Variants in EPHA3 observed in about 807,000 individuals in gnomAD.
EPHA3 encodes the protein EPH receptor A3, also known as ephrin type-A receptor 3.
A neutral mutation model predicts 107.1 loss-of-function variants in EPHA3; 42 were observed. The ratio of observed to expected loss-of-function variants is 0.39; its 90% CI spans 0.31 to 0.51. The LOEUF (loss-of-function observed/expected upper bound fraction) is 0.51, where lower values mean the gene tolerates loss of function less well. Ranked by LOEUF, EPHA3 falls within the 20% of genes least tolerant of loss-of-function variation. EPHA3 has a pLI of 0.78. For synonymous variants in EPHA3, 461 were observed against 424.8 expected, an observed-to-expected ratio of 1.09 and a Z score of -1.05; for missense variants, 1,183 against 1,211.2, an observed-to-expected ratio of 0.98 and a Z score of 0.35.
Position 89,301,367 on chromosome 3 carries a change from T to C in EPHA3, c.815-39549T>C, listed in dbSNP as rs549242604. 1.2e-3 allele frequency among the ~76,000 whole-genome samples: 190 copies of C among 152,180 alleles called. 1 individual carries two copies. The highest frequency in any genetic ancestry group is 4.3e-3 in the African/African-American group (178 of 41,562). On this transcript the variant is annotated intron_variant, in intron 3 of 16. Coordinates refer to ENST00000336596, the MANE Select transcript of EPHA3 (RefSeq NM_005233.6). ...AGGAAAAGCTGATAATGTCACTTTT[T>C]AGTAATAAAATATATGTCTACTCCT...
chr3:89,411,943 G>A lies in EPHA3; in HGVS notation c.1763-1198G>A, dbSNP rs541022844. Among the ~76,000 whole-genome samples, 49 of 151,988 alleles carry A rather than the reference G, an allele frequency of 3.2e-4. No homozygotes were observed. In the South Asian group the frequency reaches 6.4e-3, roughly 20 times the overall value. On this transcript the variant is annotated intron_variant, in intron 9 of 16. Transcript: ENST00000336596. ...TTTGTTATAATTTAATGTAATGAAT[G>A]AAAATATATTTCACTATTAAGTATC... is the stretch of plus-strand genomic sequence containing the variant.
chr3:89,171,877 A>G (rs968803807), intron 2 of EPHA3, among the ~76,000 whole-genome samples: 2 of 152,202 alleles, frequency 1.3e-5, no homozygotes, highest in African/African-American at 4.8e-5. Flanking sequence ...CCTATCGTTG[A>G]TAACATTAGC....
chr3:89,297,957 C>A (rs1706398742), intron 3 of EPHA3, among the ~76,000 whole-genome samples: 1 of 152,086 alleles, frequency 6.6e-6, no homozygotes, highest in African/African-American at 2.4e-5. Flanking sequence ...ATCACTTGAA[C>A]CTGGGAGGCG....
intron 5 of EPHA3, among the ~76,000 whole-genome samples, chr3:89,353,027 C>T (rs959085271): frequency 4.0e-5 from 6 of 150,898 alleles, no homozygotes; most frequent in African/African-American, 7.3e-5. Flanking sequence ...TTCCTCTAGC[C>T]ACCTTATTTT....
chr3:89,168,658 AAC>A (rs1254972366), intron 2 of EPHA3, among the ~76,000 whole-genome samples: 2 of 152,052 alleles, frequency 1.3e-5, no homozygotes, highest in Admixed American at 6.5e-5. Context: ...CAGATAATTA[AAC>A]ACAATGCTTC....
At chr3:89,246,793 A>T (rs1227613208) in intron 3 of EPHA3, among the ~76,000 whole-genome samples, 2 of 152,158 alleles carry the variant, frequency 1.3e-5, no homozygotes, top group Non-Finnish European at 2.9e-5. Flanking sequence ...TAACATTTAC[A>T]TTATTTAAAT....
chr3:89,187,792 C>T (rs1705607186), intron 2 of EPHA3, among the ~76,000 whole-genome samples: 2 of 152,058 alleles, frequency 1.3e-5, no homozygotes, highest in Admixed American at 6.6e-5. Flanking sequence ...AGATAATTGG[C>T]CATGACATAG....
chr3:89,141,777 G>A (rs1382478065), intron 2 of EPHA3, among the ~76,000 whole-genome samples: 3 of 151,246 alleles, frequency 2.0e-5, no homozygotes, highest in Admixed American at 1.3e-4. Flanking sequence ...ATATATCTAT[G>A]TATACATCTA....
chr3:89,379,595 A>G (rs1408481202), intron 5 of EPHA3, among the ~76,000 whole-genome samples: 1 of 152,060 alleles, frequency 6.6e-6, no homozygotes, highest in Non-Finnish European at 1.5e-5. Flanking sequence ...TTCGTATTAT[A>G]TTTTTAGGTG....
intron 5 of EPHA3, among the ~76,000 whole-genome samples, chr3:89,369,584 A>C (rs1708251669): frequency 6.7e-6 from 1 of 149,948 alleles, no homozygotes; most frequent in Non-Finnish European, 1.5e-5. Flanking sequence ...ACCATTCAGG[A>C]CATAGGCATG....
rs181427124 is a variant in EPHA3 at position 89,330,819 on chromosome 3, C to T, written c.815-10097C>T. Among the ~76,000 whole-genome samples, 225 of 152,226 alleles carry T rather than the reference C, an allele frequency of 1.5e-3. 2 individuals carry two copies. Among genetic ancestry groups the T allele is most frequent in the Middle Eastern group, 6.8e-3 (2 of 294 alleles). On this transcript the variant is annotated intron_variant, in intron 3 of 16. Coordinates refer to ENST00000336596, the MANE Select transcript of EPHA3 (RefSeq NM_005233.6). ...TTAAAATCCTGGATTTAAAAAAGTG[C>T]TATCTTCTGTATACATCTTACCAAG...
At chr3:89,242,568 G>A (rs1342866825) in intron 3 of EPHA3, among the ~76,000 whole-genome samples, 1 of 151,932 alleles carries the variant, frequency 6.6e-6, no homozygotes. Flanking sequence ...CTCCCCAGCA[G>A]CTGGGACTAC....
At chr3:89,131,267 A>G (rs1253127787) in intron 2 of EPHA3, among the ~76,000 whole-genome samples, 1 of 152,206 alleles carries the variant, frequency 6.6e-6, no homozygotes. Flanking sequence ...GAATGATATG[A>G]TATTTCAATC....
intron 5 of EPHA3, among the ~76,000 whole-genome samples, chr3:89,390,600 C>CAAA (rs34753229): frequency 2.6e-5 from 3 of 114,156 alleles, no homozygotes. Context: ...ACTCCGTTTC[C>CAAA]AAAAAAAAAA....
At chr3:89,199,440 T>C (rs1705917066) in intron 2 of EPHA3, among the ~76,000 whole-genome samples, 2 of 152,290 alleles carry the variant, frequency 1.3e-5, no homozygotes, top group South Asian at 4.1e-4. Context: ...AAAATTCAAA[T>C]AGCACACTTC....
intron 3 of EPHA3, among the ~76,000 whole-genome samples, chr3:89,254,642 C>T (rs1466571243): frequency 6.6e-6 from 1 of 152,164 alleles, no homozygotes. Context: ...TTGCTTCCAC[C>T]CCACTCCCTT....
chr3:89,211,955 G>A (rs751899354), intron 3 of EPHA3, among the ~76,000 whole-genome samples: 15 of 151,738 alleles, frequency 9.9e-5, no homozygotes, highest in Non-Finnish European at 1.2e-4. Context: ...AGAAATATTG[G>A]CGACTAAAGA....
At chr3:89,277,780 T>G (rs1382668969) in intron 3 of EPHA3, among the ~76,000 whole-genome samples, 1 of 152,168 alleles carries the variant, frequency 6.6e-6, no homozygotes, top group African/African-American at 2.4e-5. Flanking sequence ...CCTTTTCCCA[T>G]TTATGAAAAT....
chr3:89,221,546 T>C (rs1331871663), intron 3 of EPHA3, among the ~76,000 whole-genome samples: 4 of 152,210 alleles, frequency 2.6e-5, no homozygotes, highest in African/African-American at 4.8e-5. Context: ...TTGTAATCTA[T>C]TCCATCTTGA....
Sources: allele counts gnomAD v4.1 joint callset (sites outside exome capture counted in the v4.1 genomes callset), GRCh38; gene constraint gnomAD v4.1.1; transcripts MANE v1.5; gene names NCBI Gene and HGNC (gene_info 2026-07-23, HGNC 2026-07-21).